The following TRAPPC11 variants were observed in gnomAD, a reference collection of about 807,000 sequenced individuals.
The protein encoded by TRAPPC11 is foie gras homolog.
TRAPPC11 carries 104 observed loss-of-function variants against 151.2 expected under a neutral mutation model. The observed-to-expected ratio is 0.69, with a 90% confidence interval of 0.59 to 0.81. The LOEUF (loss-of-function observed/expected upper bound fraction) is 0.81. Among genes scored for constraint, TRAPPC11 ranks in the 30% least tolerant of loss-of-function variants. TRAPPC11 has a pLI of 0.00. For synonymous variants in TRAPPC11, 456 were observed against 472.3 expected (o/e 0.97, Z 0.45); for missense variants, 1,230 against 1,349.6 (o/e 0.91, Z 1.39).
chr4:183,686,901 C>T (rs888812500), intron 18 of TRAPPC11, among the ~76,000 whole-genome samples, 153 bp downstream of exon 18: 2 of 152,150 alleles, frequency 1.3e-5, no homozygotes, highest in Admixed American at 6.5e-5. Context: ...ATCTCCAGGG[C>T]CGGGCACAGT....
chr4:183,691,507 A>G (rs769612937), intron 19 of TRAPPC11, 36 bp downstream of exon 19: 20 of 1,269,946 alleles, frequency 1.6e-5, no homozygotes, highest in Non-Finnish European at 2.0e-5. Context: ...TATTTTTAAT[A>G]ATAAAAGTAT....
chr4:183,709,943 G>C (rs184919222), intron 29 of TRAPPC11, among the ~76,000 whole-genome samples: 144 of 152,260 alleles, frequency 9.5e-4, no homozygotes, highest in African/African-American at 3.2e-3. Flanking sequence ...ATGACTGGGT[G>C]GGGGAACAGA....
At chr4:183,690,801 C>T (rs1309299718) in intron 18 of TRAPPC11, among the ~76,000 whole-genome samples, 1 of 152,068 alleles carries the variant, frequency 6.6e-6, no homozygotes, top group African/African-American at 2.4e-5. Flanking sequence ...GACCCCATCT[C>T]TACAAAAAAT....
At chr4:183,685,731 C>T (rs1735932501) in intron 17 of TRAPPC11, among the ~76,000 whole-genome samples, 1 of 152,062 alleles carries the variant, frequency 6.6e-6, no homozygotes, top group East Asian at 1.9e-4. Flanking sequence ...CATTTAAAAT[C>T]TTGTCATCTA....
chr4:183,711,319 G>T (rs536627350), intron 29 of TRAPPC11, among the ~76,000 whole-genome samples: 113 of 152,298 alleles, frequency 7.4e-4, no homozygotes, highest in African/African-American at 2.6e-3. Flanking sequence ...CATTTCAAGT[G>T]CTCAATCGCT....
At chr4:183,709,884 A>G (rs1279042196) in intron 29 of TRAPPC11, among the ~76,000 whole-genome samples, 2 of 152,136 alleles carry the variant, frequency 1.3e-5, no homozygotes, top group East Asian at 1.9e-4. Flanking sequence ...AGACATTTCC[A>G]TTGGCCCCAC....
intron 8 of TRAPPC11, among the ~76,000 whole-genome samples, chr4:183,677,885 ACTT>A (rs1325097019): frequency 3.3e-5 from 5 of 151,610 alleles, no homozygotes; most frequent in Admixed American, 6.6e-5. Flanking sequence ...GAACTATGTG[ACTT>A]CTTCTTGGTT....
intron 25 of TRAPPC11, 29 bp downstream of exon 25, chr4:183,697,864 C>A (rs12651215): frequency 6.3e-7 from 1 of 1,598,526 alleles, no homozygotes; most frequent in Admixed American, 1.7e-5. Context: ...CACTTAAAGA[C>A]CAGGAGAATT....
intron 23 of TRAPPC11, among the ~76,000 whole-genome samples, chr4:183,695,041 C>T (rs994358606): frequency 1.3e-5 from 2 of 151,330 alleles, no homozygotes; most frequent in African/African-American, 2.4e-5. Flanking sequence ...CTCCACCTCC[C>T]GGGTTCAAGC....
At position 183,666,306 on chromosome 4, in the gene TRAPPC11, G is replaced by A; in HGVS notation, c.254G>A (p.Trp85Ter). 1 of 1,614,150 alleles carries A rather than the reference G, an allele frequency of 6.2e-7. No homozygotes were observed. The change falls in exon 3 of 30, where the codon TGG becomes TAG. Residue 85 changes from tryptophan to a stop codon, truncating the protein, a stop_gained. Transcript: ENST00000334690. LOFTEE classifies it high-confidence loss of function. Reference protein sequence around the residue: ...YIPKGILKTGWMNKHLNLVPA... With the variant: ...YIPKGILKTG ...CCTAAAGGGATCTTAAAGACTGGCT[G>A]GATGAATAAGCATCTGAATCTGGTG...
In TRAPPC11 at chr4:183,668,069, CTTTG is replaced by C. The variant is rs771717941; in HGVS notation, c.518_521del (p.Phe173TyrfsTer13). On this transcript the variant is annotated frameshift_variant, in exon 5 of 30. Coordinates refer to ENST00000334690, the MANE Select transcript of TRAPPC11 (RefSeq NM_021942.6). LOFTEE classifies it high-confidence loss of function. ...AATGCATGTGAACTCTCAGGAAAGTCTTTGTTTGTACTGCCGCACACTGACCACC... is the reference window on the plus strand; with the variant it reads ...AATGCATGTGAACTCTCAGGAAAGTCTTTGTACTGCCGCACACTGACCACC... 29 of 1,613,662 alleles carry C rather than the reference CTTTG, an allele frequency of 1.8e-5. No homozygotes were observed. Among genetic ancestry groups the C allele is most frequent in the Non-Finnish European group, 2.1e-5 (25 of 1,179,764 alleles).
chr4:183,692,845 G>A, intron 19 of TRAPPC11, 115 bp from the exon 20 acceptor site: 1 of 869,744 alleles, frequency 1.1e-6, no homozygotes. Flanking sequence ...TGTCACACTG[G>A]GGGTCTCTAG....
In TRAPPC11 at chr4:183,679,343, C is replaced by A; in HGVS notation, c.832-10C>A. On this transcript the variant is annotated splice_polypyrimidine_tract_variant and intron_variant, in intron 8 of 29. Transcript: ENST00000334690. ...TTCCTTTATTTTGGGATCAATTTTA[C>A]ATTTTGCAGATCTGTAGGCTGTGTT... 1.3e-6 allele frequency: 2 copies of A among 1,555,142 alleles called. No individual in the cohort carries two copies. Among genetic ancestry groups the A allele is most frequent in the Non-Finnish European group, 1.7e-6 (2 of 1,154,212 alleles).
At chr4:183,685,548 C>G in intron 17 of TRAPPC11, 145 bp downstream of exon 17, 1 of 865,530 alleles carries the variant, frequency 1.2e-6, no homozygotes, top group Non-Finnish European at 1.7e-6. Flanking sequence ...TTTTTTGTGT[C>G]CCCTCAGTGA....
Position 183,684,842 on chromosome 4 carries a change from G to A in TRAPPC11, c.1567+1G>A, listed in dbSNP as rs1735884086. Reference sequence around the variant, plus strand: ...TACTCCCTAGAACTCCTTGGTAGAGGTAACCTGATGTTTTTTGAGTAAAAT... The same window carrying A: ...TACTCCCTAGAACTCCTTGGTAGAGATAACCTGATGTTTTTTGAGTAAAAT... On this transcript the variant is annotated splice_donor_variant, in intron 15 of 29. Transcript: ENST00000334690. LOFTEE classifies it high-confidence loss of function. 1 of 1,607,104 alleles carries A rather than the reference G, an allele frequency of 6.2e-7. No individual in the cohort carries two copies. The highest frequency in any genetic ancestry group is 8.5e-7 in the Non-Finnish European group (1 of 1,177,870).
intron 17 of TRAPPC11, 42 bp downstream of exon 17, chr4:183,685,445 C>G (rs200217995): frequency 3.2e-6 from 5 of 1,574,414 alleles, no homozygotes; most frequent in Non-Finnish European, 8.7e-7. Flanking sequence ...GAGAAATTGT[C>G]TTATTTCTAC....
intron 18 of TRAPPC11, among the ~76,000 whole-genome samples, chr4:183,690,724 T>C (rs544375239): frequency 9.2e-5 from 14 of 152,270 alleles, no homozygotes; most frequent in Admixed American, 5.9e-4. Flanking sequence ...CCCAACACTT[T>C]TGAAGGCTGA....
chr4:183,687,539 A>G (rs191956349), intron 18 of TRAPPC11, among the ~76,000 whole-genome samples: 228 of 151,952 alleles, frequency 1.5e-3, no homozygotes, highest in South Asian at 2.9e-3. Flanking sequence ...GTGTTGCCCA[A>G]GCTGGTCTTG....
In TRAPPC11 at chr4:183,686,733, C is replaced by G. The variant is rs1019512791; in HGVS notation, c.1878C>G (p.Val626=). The G allele has an allele frequency of 1.2e-6, 2 of 1,614,008 alleles. No individual in the cohort carries two copies. The highest frequency in any genetic ancestry group is 1.7e-6 in the Non-Finnish European group (2 of 1,179,956). ...PHPIRFSKLC[V]SFNNQEYNQF... is the part of the protein sequence containing the mutation. The stretch of plus-strand genomic sequence containing the variant: ...CCATTAGGTTTTCCAAGCTCTGTGT[C>G]AGCTTTAATAATCAGGTAATGATGC... Residue 626 remains valine (V), a synonymous_variant, in exon 18 of 30, where the codon GTC becomes GTG. Transcript: ENST00000334690.
Sources: gnomAD v4.1 joint callset for allele counts (sites outside exome capture counted in the v4.1 genomes callset) on GRCh38, gnomAD v4.1.1 for gene constraint, MANE v1.5 for transcripts, NCBI Gene and HGNC (gene_info 2026-07-23, HGNC 2026-07-21) for gene names.